The following RHCG variants were observed in gnomAD, a reference collection of about 807,000 sequenced individuals.
RHCG encodes the protein Rh family C glycoprotein.
Under a neutral mutation model 55.3 loss-of-function variants are expected in RHCG, and 39 were observed. The ratio of observed to expected loss-of-function variants is 0.70; its 90% CI spans 0.55 to 0.92. RHCG has a LOEUF of 0.92. Ranked by LOEUF, RHCG falls within the 40% of genes least tolerant of loss-of-function variation. The pLI is 0.00. For synonymous variants in RHCG, 250 were observed against 246.8 expected (o/e 1.01, Z -0.12); for missense variants, 635 against 627.9 (o/e 1.01, Z -0.12).
intron 9 of RHCG, among the ~76,000 whole-genome samples, chr15:89,475,987 A>ATT (rs1289309986): frequency 1.4e-5 from 2 of 145,550 alleles, no homozygotes; most frequent in Non-Finnish European, 3.0e-5. Context: ...AAGACTTTGC[A>ATT]TTTCTCTCTC....
intron 1 of RHCG, among the ~76,000 whole-genome samples, chr15:89,494,785 C>T (rs1961536542): frequency 1.3e-5 from 2 of 152,072 alleles, no homozygotes; most frequent in South Asian, 4.1e-4. Context: ...GCTGGGATTA[C>T]AGGTGTGAGC....
At chr15:89,472,120 G>C (rs1464172459) in intron 10 of RHCG, among the ~76,000 whole-genome samples, 1 of 152,194 alleles carries the variant, frequency 6.6e-6, no homozygotes, top group East Asian at 1.9e-4. Flanking sequence ...TTCTCCACTT[G>C]CTAGTTGTGT....
intron 9 of RHCG, among the ~76,000 whole-genome samples, chr15:89,475,252 T>C (rs1961126609): frequency 6.6e-6 from 1 of 152,098 alleles, no homozygotes; most frequent in Admixed American, 6.6e-5. Context: ...CTTTTTTTTC[T>C]TCCTTTTTGG....
intron 4 of RHCG, chr15:89,479,717 T>G: frequency 3.7e-6 from 2 of 542,202 alleles, no homozygotes; most frequent in Non-Finnish European, 6.5e-6. Flanking sequence ...TGACCCCCAT[T>G]TCTGGGCTAA....
chr15:89,495,643 C>G (rs1961552221), intron 1 of RHCG, among the ~76,000 whole-genome samples: 1 of 152,136 alleles, frequency 6.6e-6, no homozygotes, highest in African/African-American at 2.4e-5. Flanking sequence ...AGAAAGGATC[C>G]CACCCCAACT....
chr15:89,472,239 C>G (rs1012054042), intron 10 of RHCG, among the ~76,000 whole-genome samples: 1 of 152,138 alleles, frequency 6.6e-6, no homozygotes, highest in Admixed American at 6.5e-5. Context: ...GATGTGAAAG[C>G]CATGAGCAAG....
chr15:89,477,371 T>A lies in RHCG; in HGVS notation c.1112+146A>T. On this transcript the variant is annotated intron_variant, in intron 7 of 10. Coordinates refer to ENST00000268122, the MANE Select transcript of RHCG (RefSeq NM_016321.3). The surrounding 1 kb of genome is among the most constrained non-coding windows in gnomAD (Gnocchi z 4.5). ...CCTCTAAAACTCTAAGGGACAGAGT[T>A]TGGGGAGAGAGACCCATGAAACAAT... is the stretch of plus-strand genomic sequence containing the variant. 2 of 1,393,626 alleles carry A rather than the reference T, an allele frequency of 1.4e-6. No individual in the cohort carries two copies. The highest frequency in any genetic ancestry group is 9.8e-7 in the Non-Finnish European group (1 of 1,022,072). 86.3% of individuals were successfully genotyped at this position (1,393,626 alleles called of 1,614,324 possible).
rs369282478 is a variant in RHCG at position 89,483,397 on chromosome 15, C to G, written c.372-180G>C. Among the ~76,000 whole-genome samples, 9 of 152,316 alleles carry G rather than the reference C, an allele frequency of 5.9e-5. No individual in the cohort carries two copies. In the East Asian group the frequency reaches 9.6e-4, roughly 16 times the overall value. ...CTACTCCAAGAATGAAAAGAAACCA[C>G]ACGAGACAGGACTAGTACAGCAGCA... On this transcript the variant is annotated intron_variant, in intron 2 of 10. Transcript: ENST00000268122.
rs370457008 is a variant in RHCG, at chr15:89,477,221, G to A, written c.1113-15C>T. On this transcript the variant is annotated splice_polypyrimidine_tract_variant and intron_variant, in intron 7 of 10. Coordinates refer to ENST00000268122, the MANE Select transcript of RHCG (RefSeq NM_016321.3). The surrounding 1 kb of genome is among the most constrained non-coding windows in gnomAD (Gnocchi z 4.5). ...AATGGACAAGCCTGGGGTGGAGACAGGGGGCAGGTCAGGGCCCCATGGAGA... is the reference window on the plus strand; with the variant it reads ...AATGGACAAGCCTGGGGTGGAGACAAGGGGCAGGTCAGGGCCCCATGGAGA... The A allele has an allele frequency of 1.2e-6, 2 of 1,613,804 alleles. No individual in the cohort carries two copies. Among genetic ancestry groups the A allele is most frequent in the South Asian group, 1.1e-5 (1 of 91,024 alleles).
chr15:89,484,933 T>C (rs570312657), intron 2 of RHCG, among the ~76,000 whole-genome samples: 1 of 151,986 alleles, frequency 6.6e-6, no homozygotes, highest in Non-Finnish European at 1.5e-5. Flanking sequence ...CAGTGACAGG[T>C]GGGACTTAGA....
chr15:89,490,201 G>A (rs1376464240), intron 1 of RHCG, among the ~76,000 whole-genome samples: 2 of 152,230 alleles, frequency 1.3e-5, no homozygotes, highest in Non-Finnish European at 2.9e-5. Flanking sequence ...CAATGCTTAC[G>A]GCACAGCTGC....
rs1489891681 is a variant in RHCG, at chr15:89,486,004, C to T, written c.371+795G>A. Among the ~76,000 whole-genome samples, 3 of 152,186 alleles carry T rather than the reference C, an allele frequency of 2.0e-5. No homozygotes were observed. The East Asian group carries it at 5.8e-4, about 29-fold the overall frequency. ...TGTGGGTTGGGGAGGTGTGTTGAGGCTTGGAGGAGGTCACTGCAGAACAGA... is the reference window on the plus strand; with the variant it reads ...TGTGGGTTGGGGAGGTGTGTTGAGGTTTGGAGGAGGTCACTGCAGAACAGA... On this transcript the variant is annotated intron_variant, in intron 2 of 10. Coordinates refer to ENST00000268122, the MANE Select transcript of RHCG (RefSeq NM_016321.3).
At chr15:89,472,672 G>T in intron 10 of RHCG, 39 bp downstream of exon 10, 1 of 1,570,954 alleles carries the variant, frequency 6.4e-7, no homozygotes, top group South Asian at 1.2e-5. Context: ...CCCACTGGGA[G>T]AACCTCCCTG....
At chr15:89,479,226 T>C in intron 5 of RHCG, 96 bp downstream of exon 5, 2 of 1,288,630 alleles carry the variant, frequency 1.6e-6, no homozygotes, top group South Asian at 3.0e-5. Context: ...GCAAGATGGG[T>C]GTGATGATCC....
intron 1 of RHCG, among the ~76,000 whole-genome samples, chr15:89,490,675 GA>G (rs1476222715): frequency 6.6e-6 from 1 of 152,102 alleles, no homozygotes; most frequent in African/African-American, 2.4e-5. Flanking sequence ...GAGTTGGCAG[GA>G]TGACAGGATG....
intron 4 of RHCG, 120 bp from the exon 5 acceptor site, chr15:89,479,608 C>A: frequency 1.1e-6 from 1 of 887,678 alleles, no homozygotes; most frequent in Non-Finnish European, 1.7e-6. Flanking sequence ...GCTGTTTCCA[C>A]CTCTGCAGCT....
At chr15:89,476,133 C>T (rs1230518083) in intron 9 of RHCG, among the ~76,000 whole-genome samples, 2 of 151,898 alleles carry the variant, frequency 1.3e-5, no homozygotes, top group African/African-American at 4.8e-5. Flanking sequence ...GTGGCGCCAT[C>T]ATGGCTCACT....
chr15:89,476,990 T>C (rs1451654062), intron 8 of RHCG, 92 bp downstream of exon 8: 2 of 1,578,406 alleles, frequency 1.3e-6, no homozygotes, highest in Non-Finnish European at 1.7e-6. Context: ...TCCTGGGGGC[T>C]CAGGCTGACC....
chr15:89,487,048 T>G, intron 1 of RHCG, 63 bp from the exon 2 acceptor site: 1 of 1,439,902 alleles, frequency 6.9e-7, no homozygotes. Flanking sequence ...GCCCTGGGTC[T>G]GGGCCAGGAA....
Sources: gnomAD v4.1 joint callset for allele counts (sites outside exome capture counted in the v4.1 genomes callset) on GRCh38, gnomAD v4.1.1 for gene constraint, Gnocchi (gnomAD v3.1) non-coding constraint, MANE v1.5 for transcripts, NCBI Gene and HGNC (gene_info 2026-07-23, HGNC 2026-07-21) for gene names.